ALPK1: variants seen among roughly 807,000 people sequenced by gnomAD.
The protein encoded by ALPK1 is alpha-protein kinase 1.
A neutral mutation model predicts 120.6 loss-of-function variants in ALPK1; 110 were observed. That is an observed-to-expected ratio of 0.91 (90% CI 0.78 to 1.07). The LOEUF (loss-of-function observed/expected upper bound fraction) is 1.07, where lower values mean the gene tolerates loss of function less well. Among genes scored for constraint, ALPK1 ranks in the 50% least tolerant of loss-of-function variants. ALPK1 has a pLI of 0.00. For synonymous variants in ALPK1, 582 were observed against 560.3 expected (o/e 1.04, Z -0.55); for missense variants, 1,498 against 1,483.9 (o/e 1.01, Z -0.16).
intron 2 of ALPK1, among the ~76,000 whole-genome samples, chr4:112,365,466 A>G (rs951764416): frequency 5.3e-5 from 8 of 152,180 alleles, no homozygotes; most frequent in African/African-American, 1.9e-4. Context: ...CAATAGATGC[A>G]AAAGAAATAC....
chr4:112,361,855 A>C lies in ALPK1; in HGVS notation c.-100-15823A>C, dbSNP rs549533169. Among the ~76,000 whole-genome samples the C allele has an allele frequency of 3.3e-5, 5 of 152,320 alleles. No homozygotes were observed. In the South Asian group the frequency reaches 1.0e-3, roughly 32 times the overall value. On this transcript the variant is annotated intron_variant, in intron 2 of 15. Transcript: ENST00000650871. ...TCCACTTCATTCCCCTGCTACCTCC[A>C]CTGGAGTAGGTGCTGGTATCCATGG... is the stretch of plus-strand genomic sequence containing the variant.
chr4:112,430,976 A>T lies in ALPK1; in HGVS notation c.1429A>T (p.Asn477Tyr). The change falls in exon 11 of 16, where the codon AAC (asparagine) becomes TAC (tyrosine). Residue 477 changes from asparagine (N) to tyrosine (Y), a missense_variant. Transcript: ENST00000650871. ...AGTATTTGAAAGTGATTGTGGAAAC[A>T]ACAAAAATGAACAGAAAGATGCAAA... is the stretch of plus-strand genomic sequence containing the variant. ...CEVFESDCGN[N>Y]KNEQKDAKTG... 1 of 1,613,782 alleles carries T rather than the reference A, an allele frequency of 6.2e-7. No individual in the cohort carries two copies. The highest frequency in any genetic ancestry group is 8.5e-7 in the Non-Finnish European group (1 of 1,179,722).
intron 1 of ALPK1, among the ~76,000 whole-genome samples, chr4:112,303,714 T>C (rs1458132808): frequency 6.6e-6 from 1 of 151,606 alleles, no homozygotes; most frequent in Non-Finnish European, 1.5e-5. Flanking sequence ...CCCAGCCACA[T>C]CTTTTTTTTT....
chr4:112,348,932 G>T (rs1017867168), intron 2 of ALPK1, among the ~76,000 whole-genome samples: 2 of 152,210 alleles, frequency 1.3e-5, no homozygotes, highest in East Asian at 3.8e-4. Context: ...TCTGTAATCC[G>T]ATGGAGGCTC....
intron 4 of ALPK1, among the ~76,000 whole-genome samples, chr4:112,395,211 G>A (rs1205600540): frequency 4.6e-5 from 7 of 152,298 alleles, no homozygotes; most frequent in African/African-American, 1.7e-4. Context: ...GAGCTTGAGA[G>A]ACATTTCCAA....
At chr4:112,439,601 C>A (rs1278408900) in intron 13 of ALPK1, 85 bp from the exon 14 acceptor site, 2 of 1,191,740 alleles carry the variant, frequency 1.7e-6, no homozygotes, top group African/African-American at 3.1e-5. Context: ...AGTGGCAGAG[C>A]CTAGGTTCAA....
chr4:112,408,314 G>T (rs527773803), intron 4 of ALPK1, among the ~76,000 whole-genome samples: 5 of 152,244 alleles, frequency 3.3e-5, no homozygotes, highest in Middle Eastern at 3.4e-3. Flanking sequence ...GAAGACAGTA[G>T]CTGAAGATAC....
chr4:112,382,588 C>A, intron 4 of ALPK1, 36 bp downstream of exon 4: 1 of 1,613,950 alleles, frequency 6.2e-7, no homozygotes, highest in African/African-American at 1.3e-5. Context: ...CTCTGATATC[C>A]CCAAGTGAGG....
At chr4:112,313,390 A>T (rs1728493181) in intron 1 of ALPK1, among the ~76,000 whole-genome samples, 1 of 152,112 alleles carries the variant, frequency 6.6e-6, no homozygotes, top group Non-Finnish European at 1.5e-5. Flanking sequence ...GCTTTATGTC[A>T]CATGTTTTTG....
chr4:112,430,982 A>C lies in ALPK1; in HGVS notation c.1435A>C (p.Asn479His). ...TGAAAGTGATTGTGGAAACAACAAAAATGAACAGAAAGATGCAAAAACAGG... is the reference window on the plus strand; with the variant it reads ...TGAAAGTGATTGTGGAAACAACAAACATGAACAGAAAGATGCAAAAACAGG... ...VFESDCGNNK[N>H]EQKDAKTGVC... The change falls in exon 11 of 16, where the codon AAT (asparagine) becomes CAT (histidine). Residue 479 changes from asparagine to histidine, a missense_variant. By Grantham distance (68) the Asn-to-His change is moderately conservative (BLOSUM62 1). Transcript: ENST00000650871. The C allele has an allele frequency of 2.5e-6, 4 of 1,613,706 alleles. No individual in the cohort carries two copies. The highest frequency in any genetic ancestry group is 3.4e-6 in the Non-Finnish European group (4 of 1,179,726).
Position 112,430,574 on chromosome 4 carries a change from G to A in ALPK1, c.1027G>A (p.Glu343Lys), listed in dbSNP as rs757742050. 6.2e-7 allele frequency: 1 copy of A among 1,614,186 alleles called. No individual in the cohort carries two copies. Among genetic ancestry groups the A allele is most frequent in the Non-Finnish European group, 8.5e-7 (1 of 1,180,026 alleles). ...TGGCCTCCTCACCAAGAGAGATGATGAGCCTGTTACTGGAAAACAGGAGCT... is the reference window on the plus strand; with the variant it reads ...TGGCCTCCTCACCAAGAGAGATGATAAGCCTGTTACTGGAAAACAGGAGCT... ...EIGLLTKRDD[E>K]PVTGKQELHS... The change falls in exon 11 of 16, where the codon GAG (glutamate) becomes AAG (lysine). Residue 343 changes from glutamate to lysine, a missense_variant. Glu to Lys is a moderately conservative substitution (Grantham distance 56). Transcript: ENST00000650871.
chr4:112,378,009 AC>A, intron 3 of ALPK1, 111 bp downstream of exon 3: 2 of 1,239,320 alleles, frequency 1.6e-6, no homozygotes, highest in Non-Finnish European at 2.1e-6. Context: ...TTGGCAGATG[AC>A]CACCGAGAGA....
At chr4:112,393,693 A>G (rs1313030634) in intron 4 of ALPK1, among the ~76,000 whole-genome samples, 1 of 152,236 alleles carries the variant, frequency 6.6e-6, no homozygotes, top group Non-Finnish European at 1.5e-5. Context: ...TTCTAAGAGC[A>G]AGTACAAATA....
chr4:112,339,670 A>G (rs1578478719), intron 2 of ALPK1, among the ~76,000 whole-genome samples: 1 of 152,194 alleles, frequency 6.6e-6, no homozygotes, highest in African/African-American at 2.4e-5. Flanking sequence ...ACTTTGTTGA[A>G]ATTGAATCAC....
At position 112,382,452 on chromosome 4, in the gene ALPK1, G is replaced by A. The variant is rs1381676398; in HGVS notation, c.176G>A (p.Trp59Ter). ...TLIQEAKEMK[W>*]PFVPEKWQYK... is the part of the protein sequence containing the mutation. ...ATCCAGGAGGCAAAGGAAATGAAGT[G>A]GCCCTTCGTGCCTGAAAAGTGGCAG... The change falls in exon 4 of 16, where the codon TGG becomes TAG. Residue 59 changes from tryptophan to a stop codon, truncating the protein, a stop_gained. Coordinates refer to ENST00000650871, the MANE Select transcript of ALPK1 (RefSeq NM_025144.4). LOFTEE classifies it high-confidence loss of function. 4 of 1,614,098 alleles carry A rather than the reference G, an allele frequency of 2.5e-6. No individual in the cohort carries two copies. In the South Asian group the frequency reaches 4.4e-5, roughly 18 times the overall value.
intron 2 of ALPK1, among the ~76,000 whole-genome samples, chr4:112,331,840 G>A (rs2148701125): frequency 6.6e-6 from 1 of 152,308 alleles, no homozygotes; most frequent in East Asian, 1.9e-4. Context: ...ATGGAGAGCT[G>A]CTGTGCACAT....
intron 1 of ALPK1, among the ~76,000 whole-genome samples, chr4:112,312,327 G>A (rs1728441392): frequency 6.6e-6 from 1 of 151,694 alleles, no homozygotes; most frequent in Non-Finnish European, 1.5e-5. Flanking sequence ...AGGCTGGAGT[G>A]CAGTGGCCTG....
At chr4:112,441,126 A>T in intron 15 of ALPK1, 21 bp downstream of exon 15, 1 of 1,613,904 alleles carries the variant, frequency 6.2e-7, no homozygotes, top group Non-Finnish European at 8.5e-7. Flanking sequence ...GGCTGTATGG[A>T]TTGGTAATGT....
At chr4:112,315,118 A>G (rs979208093) in intron 1 of ALPK1, among the ~76,000 whole-genome samples, 1 of 152,124 alleles carries the variant, frequency 6.6e-6, no homozygotes, top group Admixed American at 6.6e-5. Context: ...TTGACCTCAC[A>G]TGATCCACCT....
Sources: allele counts gnomAD v4.1 joint callset (sites outside exome capture counted in the v4.1 genomes callset), GRCh38; gene constraint gnomAD v4.1.1; transcripts MANE v1.5; gene names NCBI Gene and HGNC (gene_info 2026-07-23, HGNC 2026-07-21).